The following TLCD4 variants were observed in gnomAD, a reference collection of about 807,000 sequenced individuals.
TLCD4 encodes the protein TLC domain-containing protein 4.
TLCD4 carries 7 observed loss-of-function variants against 24.2 expected under a neutral mutation model. The ratio of observed to expected loss-of-function variants is 0.29; its 90% CI spans 0.16 to 0.54. The LOEUF (loss-of-function observed/expected upper bound fraction) is 0.54. TLCD4 is among the 20% of genes least tolerant of loss of function. TLCD4 has a pLI of 0.95. For missense variants in TLCD4, 259 were observed against 313.9 expected, an observed-to-expected ratio of 0.82 and a Z score of 1.32; for synonymous variants, 103 against 106.4, an observed-to-expected ratio of 0.97 and a Z score of 0.20.
At chr1:95,093,721 A>G in the TLCD4 span, among the ~76,000 whole-genome samples, 727 of 152,332 alleles carry the variant, frequency 4.8e-3, 4 homozygotes, top group Non-Finnish European at 7.8e-3. Flanking sequence ...CGAAATTCGT[A>G]TGTCCAACCA....
chr1:95,123,496 T>G (rs1676625070), intron 1 of TLCD4, among the ~76,000 whole-genome samples: 1 of 152,200 alleles, frequency 6.6e-6, no homozygotes, highest in Non-Finnish European at 1.5e-5. Flanking sequence ...TAGTGTTTTT[T>G]TAAATTGCAA....
At chr1:95,111,564 A>G in the TLCD4 span, among the ~76,000 whole-genome samples, 8 of 152,354 alleles carry the variant, frequency 5.3e-5, no homozygotes, top group East Asian at 1.3e-3. Context: ...AGAAAAGTCT[A>G]CAACAGATAA....
intron 5 of TLCD4, among the ~76,000 whole-genome samples, chr1:95,154,808 AC>A (rs1677588667): frequency 6.6e-6 from 1 of 150,410 alleles, no homozygotes; most frequent in Non-Finnish European, 1.5e-5. Context: ...GGTTGATGGT[AC>A]CCTGAAACGG....
intron 5 of TLCD4, among the ~76,000 whole-genome samples, chr1:95,155,495 T>C (rs1187334440): frequency 6.6e-6 from 1 of 152,198 alleles, no homozygotes; most frequent in Non-Finnish European, 1.5e-5. Flanking sequence ...ATCCCTTTAA[T>C]AGCATCTATC....
intron 3 of TLCD4, among the ~76,000 whole-genome samples, chr1:95,149,702 G>C (rs1013807448): frequency 6.6e-5 from 10 of 151,946 alleles, no homozygotes; most frequent in African/African-American, 2.4e-4. Context: ...TTACTAACGT[G>C]ACCATCAGCA....
At chr1:95,122,932 T>G (rs1004448214) in intron 1 of TLCD4, among the ~76,000 whole-genome samples, 1 of 152,110 alleles carries the variant, frequency 6.6e-6, no homozygotes, top group Non-Finnish European at 1.5e-5. Context: ...TTTGAAAAAT[T>G]TACAAGTTCT....
At chr1:95,122,128 C>T (rs1396323023) in intron 1 of TLCD4, among the ~76,000 whole-genome samples, 1 of 152,188 alleles carries the variant, frequency 6.6e-6, no homozygotes, top group Non-Finnish European at 1.5e-5. Flanking sequence ...TGGAGGTGGG[C>T]AGATCACCTA....
chr1:95,141,137 C>CAT (rs1488128558), intron 1 of TLCD4, among the ~76,000 whole-genome samples: 2 of 152,258 alleles, frequency 1.3e-5, no homozygotes, highest in East Asian at 3.9e-4. Flanking sequence ...AGACTCTAAA[C>CAT]ATATATCCCA....
chr1:95,171,553 C>A (rs920015978), intron 5 of TLCD4, among the ~76,000 whole-genome samples: 1 of 152,106 alleles, frequency 6.6e-6, no homozygotes, highest in Admixed American at 6.6e-5. Context: ...ACTGTATTTT[C>A]TGAGAGTTCA....
the TLCD4 span, among the ~76,000 whole-genome samples, chr1:95,102,002 T>G: frequency 2.0e-5 from 3 of 152,192 alleles, no homozygotes; most frequent in Non-Finnish European, 1.5e-5. Context: ...CATTAACACA[T>G]TTAGTTAATA....
At chr1:95,153,412 A>G (rs902996093) in intron 5 of TLCD4, among the ~76,000 whole-genome samples, 38 of 152,168 alleles carry the variant, frequency 2.5e-4, no homozygotes, top group African/African-American at 9.2e-4. Flanking sequence ...TTACATTTTT[A>G]GAAAGGCTTC....
At chr1:95,154,969 G>A (rs372890024) in intron 5 of TLCD4, among the ~76,000 whole-genome samples, 3 of 151,244 alleles carry the variant, frequency 2.0e-5, no homozygotes, top group African/African-American at 7.3e-5. Flanking sequence ...TCCAATTTGG[G>A]ATGCCCAGAA....
At chr1:95,098,445 TA>T in the TLCD4 span, among the ~76,000 whole-genome samples, 1 of 152,332 alleles carries the variant, frequency 6.6e-6, no homozygotes, top group East Asian at 1.9e-4. Flanking sequence ...GCTGTTTCCA[TA>T]AACGCATATT....
chr1:95,190,167 G>A (rs1253437432), intron 6 of TLCD4, among the ~76,000 whole-genome samples: 2 of 149,930 alleles, frequency 1.3e-5, no homozygotes, highest in South Asian at 2.1e-4. Context: ...GCAATAGCAC[G>A]ATTTCGGCTC....
At chr1:95,152,644 C>G (rs958810729) in intron 5 of TLCD4, among the ~76,000 whole-genome samples, 6 of 151,992 alleles carry the variant, frequency 3.9e-5, no homozygotes, top group African/African-American at 1.2e-4. Flanking sequence ...ATTTTTGTAT[C>G]TTTCTACTAT....
chr1:95,173,752 A>G (rs1571771752), intron 5 of TLCD4, 64 bp from the exon 6 acceptor site: 5 of 1,604,370 alleles, frequency 3.1e-6, no homozygotes, highest in Non-Finnish European at 4.3e-6. Context: ...GGATATTTCT[A>G]CGGTATTTGG....
At chr1:95,174,932 T>C (rs942036381) in intron 6 of TLCD4, among the ~76,000 whole-genome samples, 19 of 152,186 alleles carry the variant, frequency 1.2e-4, no homozygotes, top group African/African-American at 4.1e-4. Context: ...CCCACCACCA[T>C]GCCTGGCTAA....
At chr1:95,157,165 C>G (rs542841835) in intron 5 of TLCD4, among the ~76,000 whole-genome samples, 21 of 151,830 alleles carry the variant, frequency 1.4e-4, no homozygotes, top group African/African-American at 4.8e-4. Flanking sequence ...CATTGACAAG[C>G]AAAAAGAAAA....
chr1:95,104,383 G>A, the TLCD4 span, among the ~76,000 whole-genome samples: 2 of 152,116 alleles, frequency 1.3e-5, no homozygotes, highest in East Asian at 1.9e-4. Flanking sequence ...GCGTTTAACG[G>A]GCCAGGCACG....
Sources: gnomAD v4.1 joint callset for allele counts (sites outside exome capture counted in the v4.1 genomes callset) on GRCh38, gnomAD v4.1.1 for gene constraint, MANE v1.5 for transcripts, NCBI Gene and HGNC (gene_info 2026-07-23, HGNC 2026-07-21) for gene names.